The following LUZP2 variants were observed in gnomAD, a reference collection of about 807,000 sequenced individuals.
LUZP2 encodes leucine zipper protein 2.
A neutral mutation model predicts 51.6 loss-of-function variants in LUZP2; 52 were observed. The observed-to-expected ratio is 1.01, with a 90% CI of 0.81 to 1.27. LUZP2 has a LOEUF of 1.27. LUZP2 is among the 50% of genes most tolerant of loss of function. LUZP2 has a pLI of 0.00. For synonymous variants in LUZP2, 154 were observed against 137.3 expected (o/e 1.12, Z -0.85); for missense variants, 436 against 395.4 (o/e 1.10, Z -0.87).
intron 1 of LUZP2, among the ~76,000 whole-genome samples, chr11:24,618,317 C>A (rs1215449829): frequency 1.3e-5 from 2 of 152,216 alleles, no homozygotes; most frequent in African/African-American, 4.8e-5. Flanking sequence ...AGGTTATCAG[C>A]TCCCATAGGG....
chr11:24,824,808 C>T (rs974618333), intron 5 of LUZP2, among the ~76,000 whole-genome samples: 14 of 151,866 alleles, frequency 9.2e-5, no homozygotes, highest in African/African-American at 2.2e-4. Flanking sequence ...TGTGTTCATG[C>T]GTGGTACCAT....
intron 9 of LUZP2, among the ~76,000 whole-genome samples, chr11:25,030,344 T>C (rs187318770): frequency 3.5e-4 from 53 of 152,248 alleles, no homozygotes; most frequent in Non-Finnish European, 7.2e-4. Context: ...TATTCTCCTA[T>C]TGATAGAAAG....
intron 4 of LUZP2, among the ~76,000 whole-genome samples, chr11:24,742,206 G>C (rs1400140338): frequency 1.3e-5 from 2 of 150,484 alleles, no homozygotes; most frequent in Non-Finnish European, 3.0e-5. Flanking sequence ...TTTTCCTCTG[G>C]GTAGATACCC....
At chr11:24,929,027 A>C (rs1433822994) in intron 7 of LUZP2, among the ~76,000 whole-genome samples, 1 of 152,054 alleles carries the variant, frequency 6.6e-6, no homozygotes, top group Admixed American at 6.6e-5. Context: ...AAAGGTGTTC[A>C]TAGTAGGCTT....
chr11:24,979,156 A>C (rs1043398188), intron 8 of LUZP2, among the ~76,000 whole-genome samples: 8 of 151,894 alleles, frequency 5.3e-5, no homozygotes, highest in African/African-American at 1.9e-4. Flanking sequence ...CAATGCCTGG[A>C]AAACATTCAT....
At chr11:24,503,258 A>C (rs1383002319) in intron 1 of LUZP2, among the ~76,000 whole-genome samples, 1 of 152,212 alleles carries the variant, frequency 6.6e-6, no homozygotes, top group Non-Finnish European at 1.5e-5. Context: ...TTATTTTGCT[A>C]TAGATTACTG....
At chr11:24,657,941 A>G (rs1251670419) in intron 1 of LUZP2, among the ~76,000 whole-genome samples, 2 of 152,210 alleles carry the variant, frequency 1.3e-5, no homozygotes, top group Non-Finnish European at 2.9e-5. Flanking sequence ...AAACAAATGG[A>G]AGACCATTCC....
chr11:24,607,573 G>A (rs1014546238), intron 1 of LUZP2, among the ~76,000 whole-genome samples: 1 of 151,812 alleles, frequency 6.6e-6, no homozygotes, highest in South Asian at 2.1e-4. Context: ...AAATCAGAAA[G>A]TATAGTGCCT....
intron 7 of LUZP2, among the ~76,000 whole-genome samples, chr11:24,932,098 T>C (rs1257218706): frequency 6.6e-6 from 1 of 152,212 alleles, no homozygotes; most frequent in Non-Finnish European, 1.5e-5. Context: ...AAGAGTCCTG[T>C]GATGTGATCC....
At chr11:25,011,519 A>G (rs1446137851) in intron 9 of LUZP2, among the ~76,000 whole-genome samples, 1 of 152,194 alleles carries the variant, frequency 6.6e-6, no homozygotes, top group Non-Finnish European at 1.5e-5. Flanking sequence ...CAGTGAATAG[A>G]AAAGCGAACA....
At chr11:24,508,139 A>C (rs1388990703) in intron 1 of LUZP2, among the ~76,000 whole-genome samples, 2 of 152,126 alleles carry the variant, frequency 1.3e-5, no homozygotes, top group African/African-American at 4.8e-5. Flanking sequence ...TTACTTGGCC[A>C]ACATTATAAC....
At position 24,742,057 on chromosome 11, in the gene LUZP2, T is replaced by TTTTATATATATATATA. The variant is rs571183533; in HGVS notation, c.333+3756_333+3757insTTATATATATATATAT. 2.2e-4 allele frequency among the ~76,000 whole-genome samples: 26 copies of TTTTATATATATATATA among 116,296 alleles called. 2 individuals carry two copies. The highest frequency in any genetic ancestry group is 1.0e-3 in the African/African-American group (24 of 23,840). 76.3% of individuals were successfully genotyped at this position (116,296 alleles called of 152,430 possible). A position where few individuals can be genotyped will look rare whatever the true frequency, so the allele number is the denominator to read the frequency against. On this transcript the variant is annotated intron_variant, in intron 4 of 11. Coordinates refer to ENST00000336930, the MANE Select transcript of LUZP2 (RefSeq NM_001009909.4). Reference sequence around the variant, plus strand: ...TATAAATACATAAAAATAAATATAATTATATATATATATATATATCACCAT... The same window carrying TTTTATATATATATATA: ...TATAAATACATAAAAATAAATATAATTTTATATATATATATATATATATATATATATATATCACCAT...
intron 1 of LUZP2, among the ~76,000 whole-genome samples, chr11:24,574,216 CTTTCTTT>C (rs1852542091): frequency 4.9e-5 from 4 of 81,854 alleles, no homozygotes; most frequent in African/African-American, 1.6e-4. Flanking sequence ...TCCTTCCTTT[CTTTCTTT>C]CTTTCTTTCT....
chr11:24,962,792 C>G (rs1453604257), intron 7 of LUZP2, among the ~76,000 whole-genome samples: 1 of 152,208 alleles, frequency 6.6e-6, no homozygotes, highest in Non-Finnish European at 1.5e-5. Flanking sequence ...CCGCTTTGTT[C>G]CATTGCTGGT....
intron 1 of LUZP2, among the ~76,000 whole-genome samples, chr11:24,599,957 T>C (rs986531915): frequency 6.6e-6 from 1 of 152,140 alleles, no homozygotes; most frequent in African/African-American, 2.4e-5. Flanking sequence ...AGTGCTCTTC[T>C]TTGTTTTCAA....
chr11:24,545,276 AATTAGACATC>A (rs1346577052), intron 1 of LUZP2, among the ~76,000 whole-genome samples: 1 of 151,572 alleles, frequency 6.6e-6, no homozygotes, highest in Non-Finnish European at 1.5e-5. Flanking sequence ...GAAGCTGTTT[AATTAGACATC>A]ATTTGTCAAT....
intron 1 of LUZP2, among the ~76,000 whole-genome samples, chr11:24,602,563 AG>A (rs746777388): frequency 1.3e-5 from 2 of 151,558 alleles, no homozygotes; most frequent in Non-Finnish European, 1.5e-5. Flanking sequence ...GAATTTTGAA[AG>A]GGGATTTTTG....
At chr11:24,924,246 T>G (rs955507916) in intron 7 of LUZP2, among the ~76,000 whole-genome samples, 11 of 151,910 alleles carry the variant, frequency 7.2e-5, no homozygotes, top group African/African-American at 2.7e-4. Flanking sequence ...CCCAGCTAAT[T>G]TTTGTATTTT....
chr11:24,773,081 G>GTT (rs3078931), intron 5 of LUZP2, among the ~76,000 whole-genome samples: 11 of 145,598 alleles, frequency 7.6e-5, no homozygotes, highest in Non-Finnish European at 1.4e-4. Flanking sequence ...AAACAGTGTA[G>GTT]TTTTTTTTTT....
Sources: gnomAD v4.1 joint callset for allele counts (sites outside exome capture counted in the v4.1 genomes callset) on GRCh38, gnomAD v4.1.1 for gene constraint, MANE v1.5 for transcripts, NCBI Gene and HGNC (gene_info 2026-07-23, HGNC 2026-07-21) for gene names.